Variants in ATIC observed in about 807,000 individuals in gnomAD.
The protein encoded by ATIC is bifunctional purine biosynthesis protein ATIC.
A neutral mutation model predicts 72.5 loss-of-function variants in ATIC; 64 were observed. The ratio of observed to expected loss-of-function variants is 0.88; its 90% CI spans 0.72 to 1.09. ATIC has a LOEUF of 1.09. Among genes scored for constraint, ATIC ranks in the 50% least tolerant of loss-of-function variants. The pLI is 0.00. For missense variants in ATIC, 787 were observed against 732.4 expected, an observed-to-expected ratio of 1.07 and a Z score of -0.86; for synonymous variants, 281 against 267.1, an observed-to-expected ratio of 1.05 and a Z score of -0.51.
At chr2:215,356,186 C>CA in the ATIC span, among the ~76,000 whole-genome samples, 2 of 152,186 alleles carry the variant, frequency 1.3e-5, no homozygotes, top group African/African-American at 4.8e-5. Flanking sequence ...CCACCTGAGT[C>CA]ACGATAAATA....
chr2:215,360,020 C>G, the ATIC span, among the ~76,000 whole-genome samples: 104 of 152,262 alleles, frequency 6.8e-4, no homozygotes, highest in South Asian at 0.016. Context: ...CTCACTGCAA[C>G]CTCCGCCTTC....
the ATIC span, chr2:215,362,116 T>G: frequency 6.8e-7 from 1 of 1,475,254 alleles, no homozygotes; most frequent in Middle Eastern, 1.7e-4. Context: ...ATGGGGTTTA[T>G]GATAACCTGA....
the ATIC span, chr2:215,365,469 T>A: frequency 3.7e-6 from 6 of 1,608,028 alleles, no homozygotes; most frequent in Admixed American, 8.3e-5. Flanking sequence ...GTGAGAATGC[T>A]TAATAAGGCA....
At chr2:215,354,911 C>T in the ATIC span, among the ~76,000 whole-genome samples, 3 of 151,872 alleles carry the variant, frequency 2.0e-5, no homozygotes, top group Admixed American at 1.3e-4. Flanking sequence ...ATGCACTCCT[C>T]GCCAGCCCCA....
chr2:215,352,314 G>C (rs1411015534), downstream of ATIC, among the ~76,000 whole-genome samples: 7 of 152,156 alleles, frequency 4.6e-5, no homozygotes, highest in Non-Finnish European at 7.3e-5. Flanking sequence ...GGGCATGGTG[G>C]TTCACACCTG....
chr2:215,352,074 G>GT (rs1311746273), downstream of ATIC, among the ~76,000 whole-genome samples: 1 of 152,134 alleles, frequency 6.6e-6, no homozygotes, highest in Admixed American at 6.5e-5. Flanking sequence ...AGGGCCTAAG[G>GT]AGATGTGGTG....
chr2:215,362,699 G>A, the ATIC span: 4 of 154,954 alleles, frequency 2.6e-5, no homozygotes, highest in East Asian at 3.8e-4. Flanking sequence ...AGATGGAAAC[G>A]GGACCAAGCT....
At position 215,335,952 on chromosome 2, in the gene ATIC, A is replaced by G. The variant is rs142708055; in HGVS notation, c.1009-83A>G. The G allele has an allele frequency of 6.8e-4, 737 of 1,084,348 alleles. 7 individuals carry two copies. In the African/African-American group the frequency reaches 0.011, roughly 16 times the overall value. The allele number at this position is 1,084,348 out of a possible 1,614,324, so 67.2% of individuals were successfully genotyped here. A position where few individuals can be genotyped will look rare whatever the true frequency, so the allele number is the denominator to read the frequency against. ...ACCAGAATATGCTGCCACATTATTT[A>G]AGACTGATAATTGCTGCTAGATTTT... On this transcript the variant is annotated intron_variant, in intron 10 of 15. Transcript: ENST00000236959.
chr2:215,333,266 T>C lies in ATIC; in HGVS notation c.815-84T>C, dbSNP rs1368215530. 5 of 1,107,778 alleles carry C rather than the reference T, an allele frequency of 4.5e-6. No individual in the cohort carries two copies. In the East Asian group the frequency reaches 1.2e-4, roughly 26 times the overall value. 68.6% of individuals were successfully genotyped at this position (1,107,778 alleles called of 1,614,324 possible). A position where few individuals can be genotyped will look rare whatever the true frequency, so the allele number is the denominator to read the frequency against. ...TAGAAAATGTGCTGCGTAGACTGGG[T>C]GTTAAGAAAACTGTCTTGATTTAGG... On this transcript the variant is annotated intron_variant, in intron 8 of 15. Coordinates refer to ENST00000236959, the MANE Select transcript of ATIC (RefSeq NM_004044.7).
chr2:215,348,955 TAAAAA>T, intron 14 of ATIC, 134 bp from the exon 15 acceptor site: 1 of 555,286 alleles, frequency 1.8e-6, no homozygotes, highest in Non-Finnish European at 2.6e-6. Flanking sequence ...AAACTCCGTC[TAAAAA>T]AAAAAAAATA....
downstream of ATIC, among the ~76,000 whole-genome samples, chr2:215,353,767 A>G (rs1055618073): frequency 1.3e-4 from 20 of 151,932 alleles, no homozygotes; most frequent in African/African-American, 4.8e-4. Flanking sequence ...TCAGAATGTT[A>G]GCCAGGCTGG....
intron 14 of ATIC, among the ~76,000 whole-genome samples, chr2:215,348,488 T>C (rs978463549): frequency 7.2e-5 from 11 of 152,158 alleles, no homozygotes; most frequent in Non-Finnish European, 1.6e-4. Context: ...GTAAGTAGCT[T>C]AGCCAAAAAT....
At position 215,312,255 on chromosome 2, in the gene ATIC, G is replaced by A. The variant is rs190514165; in HGVS notation, c.19+94G>A. On this transcript the variant is annotated intron_variant, in intron 1 of 15. Coordinates refer to ENST00000236959, the MANE Select transcript of ATIC (RefSeq NM_004044.7). The stretch of plus-strand genomic sequence containing the variant: ...CGGCCGGCGGGACCCGGCACTGCAG[G>A]GGCGGCGCTGCGGGATTGAAAGCCA... 9.3e-3 allele frequency: 13,545 copies of A among 1,457,288 alleles called. 110 individuals are homozygous for A. Among genetic ancestry groups the A allele is most frequent in the Middle Eastern group, 0.044 (177 of 4,018 alleles). 90.3% of individuals were successfully genotyped at this position (1,457,288 alleles called of 1,614,324 possible).
the ATIC span, chr2:215,365,736 G>A: frequency 7.3e-6 from 7 of 962,938 alleles, no homozygotes; most frequent in African/African-American, 9.9e-5. Context: ...ACCATGATCT[G>A]GAAAAATAGC....
intron 8 of ATIC, among the ~76,000 whole-genome samples, 188 bp from the exon 9 acceptor site, chr2:215,333,162 C>T (rs1024111267): frequency 1.3e-5 from 2 of 152,160 alleles, no homozygotes; most frequent in Non-Finnish European, 2.9e-5. Flanking sequence ...GGAGATTTCC[C>T]TCACACTGCT....
Position 215,325,211 on chromosome 2 carries a change from A to C in ATIC, c.291-30A>C, listed in dbSNP as rs756503280. Reference sequence around the variant, plus strand: ...GTAAACCACATGAGTGGACTTTTTAATGACAGCCAGATTCGTCTTTGTTTT... The same window carrying C: ...GTAAACCACATGAGTGGACTTTTTACTGACAGCCAGATTCGTCTTTGTTTT... On this transcript the variant is annotated intron_variant, in intron 4 of 15. Coordinates refer to ENST00000236959, the MANE Select transcript of ATIC (RefSeq NM_004044.7). The C allele has an allele frequency of 2.0e-5, 31 of 1,574,946 alleles. 1 individual carries two copies. The Admixed American group carries it at 5.2e-4, about 26-fold the overall frequency.
At chr2:215,352,078 TGTG>T (rs967207842), downstream of ATIC, among the ~76,000 whole-genome samples, 8 of 152,020 alleles carry the variant, frequency 5.3e-5, no homozygotes, top group African/African-American at 1.4e-4. Context: ...CCTAAGGAGA[TGTG>T]GTGAGTAAAT....
In ATIC at chr2:215,312,088, C is replaced by G. The variant is rs1005991384; in HGVS notation, c.-55C>G. ...CATCCCGGCAGCCCTCCTACCTGCG[C>G]ACGTGGTGCCGCCGCTGCTGCCTCC... On this transcript the variant is annotated 5_prime_UTR_variant, in exon 1 of 16. Transcript: ENST00000236959. 8 of 1,529,920 alleles carry G rather than the reference C, an allele frequency of 5.2e-6. No individual in the cohort carries two copies. The highest frequency in any genetic ancestry group is 1.4e-5 in the African/African-American group (1 of 72,360). 94.8% of individuals were successfully genotyped at this position (1,529,920 alleles called of 1,614,324 possible). A position where few individuals can be genotyped will look rare whatever the true frequency, so the allele number is the denominator to read the frequency against.
chr2:215,354,030 C>G (rs2053148810), downstream of ATIC, among the ~76,000 whole-genome samples: 1 of 150,752 alleles, frequency 6.6e-6, no homozygotes, highest in Admixed American at 6.6e-5. Context: ...TGTCAGGAAA[C>G]TTTTTTTTTG....
Sources: gnomAD v4.1 joint callset for allele counts (sites outside exome capture counted in the v4.1 genomes callset) on GRCh38, gnomAD v4.1.1 for gene constraint, MANE v1.5 for transcripts, NCBI Gene and HGNC (gene_info 2026-07-23, HGNC 2026-07-21) for gene names.